TPP2: variants seen among roughly 807,000 people sequenced by gnomAD.
The protein encoded by TPP2 is tripeptidyl peptidase 2.
TPP2 carries 34 observed loss-of-function variants against 155.9 expected under a neutral mutation model. The ratio of observed to expected loss-of-function variants is 0.22; its 90% CI spans 0.17 to 0.29. TPP2 has a LOEUF of 0.29. TPP2 is among the 10% of genes least tolerant of loss of function. TPP2 has a pLI of 1.00. For missense variants in TPP2, 1,028 were observed against 1,522.3 expected (o/e 0.68, Z 5.40); for synonymous variants, 510 against 529.4 (o/e 0.96, Z 0.50).
intron 25 of TPP2, among the ~76,000 whole-genome samples, chr13:102,662,066 G>C (rs681225): frequency 0.5 from 75,425 of 151,996 alleles, 19,099 homozygotes; most frequent in African/African-American, 0.6. Flanking sequence ...ATCCATACAG[G>C]GGATTCCTTT....
chr13:102,666,295 T>A (rs1884590067), intron 27 of TPP2, among the ~76,000 whole-genome samples: 1 of 152,214 alleles, frequency 6.6e-6, no homozygotes, highest in African/African-American at 2.4e-5. Context: ...CCCTTTCTTT[T>A]CTCTGTATAT....
At chr13:102,642,802 G>A (rs1882855318) in intron 16 of TPP2, among the ~76,000 whole-genome samples, 1 of 152,102 alleles carries the variant, frequency 6.6e-6, no homozygotes, top group African/African-American at 2.4e-5. Context: ...TTATCAATGA[G>A]GAATTGAGGC....
At position 102,601,679 on chromosome 13, in the gene TPP2, T is replaced by TA. The variant is rs1164315062; in HGVS notation, c.166-3113dup. 1.4e-4 allele frequency among the ~76,000 whole-genome samples: 21 copies of TA among 152,330 alleles called. No homozygotes were observed. In the East Asian group the frequency reaches 4.1e-3, roughly 29 times the overall value. ...CCTCCCCCTTCTCAGAGATGAGTGA[T>TA]ATAGTTCCATTGTTAGCAGTTCAGC... On this transcript the variant is annotated intron_variant, in intron 1 of 29. Transcript: ENST00000376052.
intron 29 of TPP2, among the ~76,000 whole-genome samples, chr13:102,677,861 T>C (rs936051236): frequency 5.3e-5 from 8 of 152,234 alleles, no homozygotes; most frequent in African/African-American, 1.9e-4. Context: ...TCAGTGCTGT[T>C]TTCCCAGTGT....
chr13:102,664,744 C>T (rs1160203953), intron 26 of TPP2, 51 bp from the exon 27 acceptor site: 5 of 1,566,148 alleles, frequency 3.2e-6, no homozygotes, highest in African/African-American at 1.4e-5. Context: ...AAATTGCTTT[C>T]GTATACTGAT....
intron 25 of TPP2, among the ~76,000 whole-genome samples, chr13:102,661,049 A>T (rs894797327): frequency 1.3e-5 from 2 of 152,166 alleles, no homozygotes; most frequent in African/African-American, 4.8e-5. Flanking sequence ...GTAAACTTTC[A>T]TGACCTTATA....
intron 25 of TPP2, 88 bp from the exon 26 acceptor site, chr13:102,663,560 A>C (rs1375451297): frequency 1.1e-6 from 1 of 911,964 alleles, no homozygotes; most frequent in Non-Finnish European, 1.6e-6. Context: ...TATTGGCTTA[A>C]ACTTCCAAAC....
In TPP2 at chr13:102,642,911, C is replaced by T. The variant is rs574729464; in HGVS notation, c.2021-311C>T. Among the ~76,000 whole-genome samples, 51 of 152,240 alleles carry T rather than the reference C, an allele frequency of 3.3e-4. No homozygotes were observed. In the East Asian group the frequency reaches 5.2e-3, roughly 16 times the overall value. ...ACAAGGAGGGATTTTAAAAGGTACC[C>T]GATTAATGTAATTGTGTATGCATCT... On this transcript the variant is annotated intron_variant, in intron 16 of 29. Coordinates refer to ENST00000376052, the MANE Select transcript of TPP2 (RefSeq NM_001330588.2).
At position 102,637,244 on chromosome 13, in the gene TPP2, T is replaced by G. The variant is rs1367296072; in HGVS notation, c.1836+5T>G. Reference sequence around the variant, plus strand: ...GAAGGATTGCATTATACAGAGGTATTGATGTATCTTCATTTTTACTTTCTT... The same window carrying G: ...GAAGGATTGCATTATACAGAGGTATGGATGTATCTTCATTTTTACTTTCTT... On this transcript the variant is annotated splice_donor_5th_base_variant and intron_variant, in intron 14 of 29. Transcript: ENST00000376052. 3 of 1,579,554 alleles carry G rather than the reference T, an allele frequency of 1.9e-6. No individual in the cohort carries two copies. The highest frequency in any genetic ancestry group is 2.0e-5 in the Admixed American group (1 of 49,642).
intron 8 of TPP2, among the ~76,000 whole-genome samples, chr13:102,629,195 A>C (rs1224969998): frequency 6.6e-6 from 1 of 152,166 alleles, no homozygotes; most frequent in Non-Finnish European, 1.5e-5. Flanking sequence ...TGGAAATAGA[A>C]CCACCTATTG....
intron 2 of TPP2, among the ~76,000 whole-genome samples, chr13:102,605,850 A>G (rs1879787322): frequency 6.6e-6 from 1 of 151,914 alleles, no homozygotes; most frequent in Non-Finnish European, 1.5e-5. Context: ...CAGCCTCCCA[A>G]TTAGCTGGGA....
chr13:102,671,671 C>T lies in TPP2; in HGVS notation c.3372-2612C>T, dbSNP rs537648537. Among the ~76,000 whole-genome samples the T allele has an allele frequency of 1.8e-4, 28 of 152,240 alleles. 1 individual carries two copies. Among genetic ancestry groups the T allele is most frequent in the Middle Eastern group, 3.4e-3 (1 of 294 alleles). ...AGGCCAAGAGCTCCCCTTCTAATGCCGCTTGCCTAAGACAGGGTCCCATAG... is the reference window on the plus strand; with the variant it reads ...AGGCCAAGAGCTCCCCTTCTAATGCTGCTTGCCTAAGACAGGGTCCCATAG... On this transcript the variant is annotated intron_variant, in intron 27 of 29. Coordinates refer to ENST00000376052, the MANE Select transcript of TPP2 (RefSeq NM_001330588.2).
intron 23 of TPP2, among the ~76,000 whole-genome samples, chr13:102,651,091 A>G (rs553828625): frequency 1.2e-4 from 18 of 152,218 alleles, no homozygotes; most frequent in Non-Finnish European, 2.2e-4. Flanking sequence ...ATGCTTTTAT[A>G]AGCAATAGAT....
chr13:102,658,734 A>G (rs558701188), intron 25 of TPP2, among the ~76,000 whole-genome samples: 2 of 150,576 alleles, frequency 1.3e-5, no homozygotes, highest in South Asian at 2.1e-4. Flanking sequence ...TTTACTTCAG[A>G]TCTTGCCTTC....
chr13:102,667,660 A>G, intron 27 of TPP2: 1 of 761,680 alleles, frequency 1.3e-6, no homozygotes, highest in Non-Finnish European at 1.6e-6. Flanking sequence ...GATATGTAGA[A>G]TTTAGATTAC....
chr13:102,623,263 A>G (rs945615366), intron 6 of TPP2, among the ~76,000 whole-genome samples: 2 of 152,320 alleles, frequency 1.3e-5, no homozygotes, highest in African/African-American at 4.8e-5. Flanking sequence ...ATGTTCCAAC[A>G]TCAGAAAATC....
rs1881364793 is a variant in TPP2, at chr13:102,624,003, T to G, written c.784+963T>G. ...TATTTTTGATCCGTGGTTGGTTAAA[T>G]TGCATGTAGTTGGTGCGGAACCTGT... On this transcript the variant is annotated intron_variant, in intron 6 of 29. Coordinates refer to ENST00000376052, the MANE Select transcript of TPP2 (RefSeq NM_001330588.2). Among the ~76,000 whole-genome samples the G allele has an allele frequency of 2.0e-5, 3 of 152,218 alleles. No individual in the cohort carries two copies. The South Asian group carries it at 6.2e-4, about 32-fold the overall frequency.
At chr13:102,607,468 G>A (rs1879927398) in intron 2 of TPP2, among the ~76,000 whole-genome samples, 2 of 152,156 alleles carry the variant, frequency 1.3e-5, no homozygotes, top group South Asian at 4.1e-4. Flanking sequence ...CTTGTTATTA[G>A]AATATGTTTC....
chr13:102,650,611 C>T (rs657112), intron 23 of TPP2, among the ~76,000 whole-genome samples: 75,388 of 151,974 alleles, frequency 0.5, 19,093 homozygotes, highest in African/African-American at 0.6. Flanking sequence ...CATAGCTGCT[C>T]CAGCTATTGG....
Sources: allele counts gnomAD v4.1 joint callset (sites outside exome capture counted in the v4.1 genomes callset), GRCh38; gene constraint gnomAD v4.1.1; transcripts MANE v1.5; gene names NCBI Gene and HGNC (gene_info 2026-07-23, HGNC 2026-07-21).